Variants in MAPK8 observed in about 807,000 individuals in gnomAD.
The protein encoded by MAPK8 is mitogen-activated protein kinase 8.
Under a neutral mutation model 52.9 loss-of-function variants are expected in MAPK8, and 13 were observed. The ratio of observed to expected loss-of-function variants is 0.25; its 90% CI spans 0.16 to 0.39. The LOEUF (loss-of-function observed/expected upper bound fraction) is 0.39, where lower values mean the gene tolerates loss of function less well. Among genes scored for constraint, MAPK8 ranks in the 10% least tolerant of loss-of-function variants. The probability of loss-of-function intolerance (pLI) is 1.00; values close to 1 mark genes in which losing one functional copy is unlikely to be tolerated. For synonymous variants in MAPK8, 191 were observed against 169.8 expected (o/e 1.12, Z -0.97); for missense variants, 300 against 519.2 (o/e 0.58, Z 4.10).
At chr10:48,376,115 C>T (rs2040645753) in intron 1 of MAPK8, among the ~76,000 whole-genome samples, 1 of 152,072 alleles carries the variant, frequency 6.6e-6, no homozygotes, top group Non-Finnish European at 1.5e-5. Flanking sequence ...CTTTGACAAA[C>T]CTACAAAAAC....
At chr10:48,391,035 G>T (rs1258963945) in intron 1 of MAPK8, among the ~76,000 whole-genome samples, 1 of 152,124 alleles carries the variant, frequency 6.6e-6, no homozygotes, top group East Asian at 1.9e-4. Context: ...ATTTAAGCTA[G>T]TCTTAGACAA....
At chr10:48,398,297 A>G (rs1431493984) in intron 1 of MAPK8, among the ~76,000 whole-genome samples, 3 of 152,204 alleles carry the variant, frequency 2.0e-5, no homozygotes, top group Non-Finnish European at 4.4e-5. Flanking sequence ...ACAATAGGGA[A>G]AAGAACTGAA....
At chr10:48,432,704 G>T (rs2044426166) in intron 11 of MAPK8, among the ~76,000 whole-genome samples, 1 of 152,132 alleles carries the variant, frequency 6.6e-6, no homozygotes, top group African/African-American at 2.4e-5. Context: ...TTGAGTAAAT[G>T]TAATAATTTC....
chr10:48,356,841 C>CAAAAAAAAAAA (rs869186711), intron 1 of MAPK8, among the ~76,000 whole-genome samples: 5 of 30,278 alleles, frequency 1.7e-4, no homozygotes, highest in Non-Finnish European at 3.3e-4. Flanking sequence ...GACTCCGTCT[C>CAAAAAAAAAAA]AAAAAAAAAA....
chr10:48,361,917 G>C (rs1054310773), intron 1 of MAPK8, among the ~76,000 whole-genome samples: 4 of 152,090 alleles, frequency 2.6e-5, no homozygotes, highest in African/African-American at 9.7e-5. Flanking sequence ...TTGAGTTCTA[G>C]CTTCTTCCTC....
intron 1 of MAPK8, among the ~76,000 whole-genome samples, chr10:48,315,064 G>A (rs1842362830): frequency 6.6e-6 from 1 of 152,122 alleles, no homozygotes; most frequent in African/African-American, 2.4e-5. Flanking sequence ...GAGCCATCCT[G>A]TTTTTATTAT....
intron 1 of MAPK8, among the ~76,000 whole-genome samples, chr10:48,393,376 A>G (rs900893044): frequency 6.6e-6 from 1 of 152,166 alleles, no homozygotes; most frequent in Non-Finnish European, 1.5e-5. Context: ...TTGTAGTCCA[A>G]AATTTGAAGG....
In MAPK8 at chr10:48,438,818, T is replaced by G. The variant is rs1004087090; in HGVS notation, c.*3789T>G. ...TCTTTGACTGTATGTCTTGCAAAAT[T>G]GTGCTCGTTGACATTATTACTGTTT... On this transcript the variant is annotated 3_prime_UTR_variant, in exon 12 of 12. Transcript: ENST00000374189. The G allele has an allele frequency of 2.6e-5, 4 of 152,210 alleles. No individual in the cohort carries two copies. Among genetic ancestry groups the G allele is most frequent in the African/African-American group, 9.6e-5 (4 of 41,462 alleles). 9.4% of individuals were successfully genotyped at this position (152,210 alleles called of 1,614,324 possible). A position where few individuals can be genotyped will look rare whatever the true frequency, so the allele number is the denominator to read the frequency against.
At chr10:48,379,938 TAAAAAAAA>T in intron 1 of MAPK8, among the ~76,000 whole-genome samples, 1 of 115,874 alleles carries the variant, frequency 8.6e-6, no homozygotes, top group Non-Finnish European at 1.7e-5. Flanking sequence ...ACAAAGCTCT[TAAAAAAAA>T]AAAAAAAAAA....
chr10:48,332,879 GT>G, intron 1 of MAPK8, among the ~76,000 whole-genome samples: 1 of 152,328 alleles, frequency 6.6e-6, no homozygotes, highest in East Asian at 1.9e-4. Flanking sequence ...AGTGTATATA[GT>G]GCCTTTTTGG....
chr10:48,383,166 T>C (rs551527355), intron 1 of MAPK8, among the ~76,000 whole-genome samples: 1 of 152,056 alleles, frequency 6.6e-6, no homozygotes, highest in South Asian at 2.1e-4. Context: ...AAGAAAAATT[T>C]TTATGACTTG....
chr10:48,397,781 G>C (rs2041962647), intron 1 of MAPK8, among the ~76,000 whole-genome samples: 1 of 152,054 alleles, frequency 6.6e-6, no homozygotes, highest in Admixed American at 6.6e-5. Flanking sequence ...AGTACAGACA[G>C]GGTTTCACCG....
intron 1 of MAPK8, among the ~76,000 whole-genome samples, chr10:48,353,003 TA>T (rs79773923): frequency 2.0e-5 from 3 of 150,592 alleles, no homozygotes; most frequent in East Asian, 1.9e-4. Context: ...TTGGAATTGC[TA>T]AAAAAAAAGT....
intron 1 of MAPK8, among the ~76,000 whole-genome samples, chr10:48,332,618 T>A (rs1264289247): frequency 6.6e-6 from 1 of 152,238 alleles, no homozygotes; most frequent in Non-Finnish European, 1.5e-5. Flanking sequence ...TCTAATTTCT[T>A]CCTCCAGGGA....
intron 1 of MAPK8, among the ~76,000 whole-genome samples, chr10:48,364,308 T>G (rs1589079371): frequency 6.6e-6 from 1 of 152,120 alleles, no homozygotes; most frequent in African/African-American, 2.4e-5. Context: ...AAAGCACACA[T>G]TGGTATCTTG....
intron 1 of MAPK8, among the ~76,000 whole-genome samples, chr10:48,385,131 CAGTT>C (rs1256866293): frequency 1.3e-5 from 2 of 152,088 alleles, no homozygotes; most frequent in East Asian, 1.9e-4. Flanking sequence ...TACTTGGGGT[CAGTT>C]AGTCTAGAGC....
intron 1 of MAPK8, among the ~76,000 whole-genome samples, chr10:48,367,698 TAC>T: frequency 6.6e-6 from 1 of 152,228 alleles, no homozygotes; most frequent in East Asian, 1.9e-4. Context: ...AGAATAAGTT[TAC>T]AGTTAGATAT....
intron 5 of MAPK8, among the ~76,000 whole-genome samples, chr10:48,419,753 G>T (rs1343236518): frequency 1.3e-5 from 2 of 152,130 alleles, no homozygotes; most frequent in African/African-American, 4.8e-5. Flanking sequence ...AAAGCTTATT[G>T]TGACTTTAAA....
intron 5 of MAPK8, among the ~76,000 whole-genome samples, chr10:48,413,863 A>G (rs2042917694): frequency 7.9e-6 from 1 of 127,340 alleles, no homozygotes; most frequent in South Asian, 2.4e-4. Context: ...ATATATATTC[A>G]GAAATATTTT....
Sources: allele counts gnomAD v4.1 joint callset (sites outside exome capture counted in the v4.1 genomes callset), GRCh38; gene constraint gnomAD v4.1.1; transcripts MANE v1.5; gene names NCBI Gene and HGNC (gene_info 2026-07-23, HGNC 2026-07-21).